FAM120C: variants seen among roughly 807,000 people sequenced by gnomAD.
FAM120C encodes the protein constitutive coactivator of PPAR-gamma-like protein 2.
In FAM120C, 14 loss-of-function variants were observed where a neutral mutation model predicts 71.2. The ratio of observed to expected loss-of-function variants is 0.20; its 90% CI spans 0.13 to 0.31. The LOEUF is 0.31. FAM120C is among the 10% of genes least tolerant of loss of function. The probability of loss-of-function intolerance (pLI) is 1.00; values close to 1 mark genes in which losing one functional copy is unlikely to be tolerated. For synonymous variants in FAM120C, 354 were observed against 353.2 expected (o/e 1.00, Z -0.03); for missense variants, 500 against 879.0 (o/e 0.57, Z 5.45).
chrX:54,081,549 A>T, intron 13 of FAM120C, 89 bp from the exon 14 acceptor site: 1 of 1,015,200 alleles, frequency 9.9e-7, no homozygotes, highest in Non-Finnish European at 1.3e-6. Context: ...AGTCGGGCGG[A>T]TTACTTGAAG....
At chrX:54,152,046 C>G (rs189059126) in intron 3 of FAM120C, among the ~76,000 whole-genome samples, 11 of 106,104 alleles carry the variant, frequency 1.0e-4, no homozygotes, top group Non-Finnish European at 2.1e-4. Flanking sequence ...GAGACAGAGT[C>G]TCACTCTGTC....
At chrX:54,129,281 G>A (rs1288650844) in intron 9 of FAM120C, among the ~76,000 whole-genome samples, 4 of 106,037 alleles carry the variant, frequency 3.8e-5, no homozygotes, top group Non-Finnish European at 7.8e-5. Context: ...GCTGCCGGGC[G>A]GAGGGTCTCC....
rs73495042 is a variant in FAM120C at position 54,180,150 on chromosome X, C to T, written c.699+2350G>A. Among the ~76,000 whole-genome samples the T allele has an allele frequency of 9.7e-3, 1,075 of 111,292 alleles. 13 individuals carry two copies. The highest frequency in any genetic ancestry group is 0.034 in the African/African-American group (1,032 of 30,602). On this transcript the variant is annotated intron_variant, in intron 1 of 15. Transcript: ENST00000375180. Reference sequence around the variant, plus strand: ...GATTTTGACTGATGGGGTATATAAACAAAAAAAACTTTGGAAACCACAAAC... The same window carrying T: ...GATTTTGACTGATGGGGTATATAAATAAAAAAAACTTTGGAAACCACAAAC...
chrX:54,073,970 C>T (rs2066723319), intron 15 of FAM120C, among the ~76,000 whole-genome samples: 1 of 110,421 alleles, frequency 9.1e-6, no homozygotes, highest in Non-Finnish European at 1.9e-5. Flanking sequence ...GGACTACAGG[C>T]GTGCACCACC....
At chrX:54,102,724 G>GTT (rs782079582) in intron 10 of FAM120C, among the ~76,000 whole-genome samples, 103 of 64,848 alleles carry the variant, frequency 1.6e-3, no homozygotes, top group African/African-American at 5.6e-3. Context: ...GTATTTACGT[G>GTT]TTTTTTTTTT....
rs1943218477 is a variant in FAM120C at position 54,164,211 on chromosome X, C to T, written c.700-4595G>A. 2.7e-5 allele frequency among the ~76,000 whole-genome samples: 3 copies of T among 111,728 alleles called. 1 individual carries two copies. The South Asian group carries it at 1.1e-3, about 42-fold the overall frequency. Reference sequence around the variant, plus strand: ...CCTCCCAAAGTGCTGGGATTAGAGGCGTGAGCCACCGTGCCTGGCCTTTTT... The same window carrying T: ...CCTCCCAAAGTGCTGGGATTAGAGGTGTGAGCCACCGTGCCTGGCCTTTTT... On this transcript the variant is annotated intron_variant, in intron 1 of 15. Coordinates refer to ENST00000375180, the MANE Select transcript of FAM120C (RefSeq NM_017848.6).
intron 4 of FAM120C, among the ~76,000 whole-genome samples, chrX:54,149,490 T>C (rs369430015): frequency 1.8e-5 from 2 of 110,694 alleles, no homozygotes; most frequent in Non-Finnish European, 3.8e-5. Context: ...ATATAAAAAA[T>C]TAGCCAGGCG....
At chrX:54,084,043 G>A (rs1221528134) in intron 13 of FAM120C, among the ~76,000 whole-genome samples, 1 of 110,942 alleles carries the variant, frequency 9.0e-6, no homozygotes, top group African/African-American at 3.3e-5. Context: ...CTTTTAAGAG[G>A]GACAAGAAAG....
intron 3 of FAM120C, among the ~76,000 whole-genome samples, chrX:54,153,929 G>C (rs1213915440): frequency 9.2e-6 from 1 of 108,729 alleles, no homozygotes; most frequent in Non-Finnish European, 1.9e-5. Flanking sequence ...TCGAACTCCT[G>C]ACCTCAAGTG....
At chrX:54,076,998 A>G (rs2066739183) in intron 15 of FAM120C, among the ~76,000 whole-genome samples, 1 of 111,406 alleles carries the variant, frequency 9.0e-6, no homozygotes, top group Non-Finnish European at 1.9e-5. Flanking sequence ...AGGCTGAGGT[A>G]GGAGGATCAC....
At chrX:54,151,093 T>G in intron 4 of FAM120C, 152 bp downstream of exon 4, 5 of 628,206 alleles carry the variant, frequency 8.0e-6, no homozygotes, top group Non-Finnish European at 9.8e-6. Flanking sequence ...TGTAATGTTT[T>G]TTAAAGGAAA....
intron 10 of FAM120C, among the ~76,000 whole-genome samples, chrX:54,109,939 A>G (rs1197619901): frequency 9.0e-6 from 1 of 110,587 alleles, no homozygotes; most frequent in Non-Finnish European, 1.9e-5. Context: ...AGCATGTACA[A>G]AATATCTACT....
At chrX:54,165,233 G>A (rs1178626765) in intron 1 of FAM120C, among the ~76,000 whole-genome samples, 4 of 111,226 alleles carry the variant, frequency 3.6e-5, no homozygotes, top group Non-Finnish European at 7.5e-5. Context: ...AATGTCTTTC[G>A]ATGGTTGCTT....
intron 4 of FAM120C, among the ~76,000 whole-genome samples, chrX:54,142,548 TC>T (rs1557131807): frequency 9.0e-6 from 1 of 111,400 alleles, no homozygotes; most frequent in Admixed American, 9.5e-5. Flanking sequence ...GGGAGGGGCG[TC>T]CGCCATTGCT....
intron 4 of FAM120C, among the ~76,000 whole-genome samples, chrX:54,139,566 C>A (rs1355341979): frequency 9.0e-6 from 1 of 110,596 alleles, no homozygotes; most frequent in Non-Finnish European, 1.9e-5. Context: ...TGGTCTTGAT[C>A]TCCTGACCTC....
chrX:54,093,697 A>G (rs1557122897), intron 10 of FAM120C, among the ~76,000 whole-genome samples: 1 of 111,641 alleles, frequency 9.0e-6, no homozygotes, highest in Non-Finnish European at 1.9e-5. Context: ...GAGTCAGAGG[A>G]GTGAGAGGCT....
chrX:54,129,167 C>T (rs1408865252), intron 9 of FAM120C, among the ~76,000 whole-genome samples: 1 of 105,831 alleles, frequency 9.4e-6, no homozygotes, highest in Non-Finnish European at 2.0e-5. Context: ...GGGGCTGACC[C>T]CCACCTCCCT....
intron 1 of FAM120C, chrX:54,173,896 T>A: frequency 2.8e-6 from 1 of 356,482 alleles, no homozygotes; most frequent in Non-Finnish European, 4.9e-6. Context: ...CTTAGCTGGG[T>A]CCTCTGGCTC....
intron 10 of FAM120C, among the ~76,000 whole-genome samples, chrX:54,101,790 G>A (rs908675921): frequency 9.0e-6 from 1 of 111,377 alleles, no homozygotes; most frequent in Non-Finnish European, 1.9e-5. Flanking sequence ...AAACCTTATC[G>A]GAATGGCCTT....
Sources: gnomAD v4.1 joint callset for allele counts (sites outside exome capture counted in the v4.1 genomes callset) on GRCh38, gnomAD v4.1.1 for gene constraint, MANE v1.5 for transcripts, NCBI Gene and HGNC (gene_info 2026-07-23, HGNC 2026-07-21) for gene names.